The following FMNL2 variants were observed in gnomAD, a reference collection of about 807,000 sequenced individuals.
FMNL2 encodes the protein formin like 2.
Under a neutral mutation model 130.2 loss-of-function variants are expected in FMNL2, and 51 were observed. That is an observed-to-expected ratio of 0.39 (90% CI 0.31 to 0.49). The LOEUF is 0.49. Ranked by LOEUF, FMNL2 falls within the 20% of genes least tolerant of loss-of-function variation. FMNL2 has a pLI of 0.85. For missense variants in FMNL2, 977 were observed against 1,316.2 expected, an observed-to-expected ratio of 0.74 and a Z score of 3.99; for synonymous variants, 465 against 467.1, an observed-to-expected ratio of 1.00 and a Z score of 0.06.
intron 1 of FMNL2, among the ~76,000 whole-genome samples, chr2:152,397,392 A>AGG (rs1558827484): frequency 2.6e-5 from 4 of 151,652 alleles, no homozygotes; most frequent in African/African-American, 9.7e-5. Flanking sequence ...TAGGGGGAAA[A>AGG]AAAAAAATGA....
At chr2:152,374,098 A>G (rs1259110063) in intron 1 of FMNL2, among the ~76,000 whole-genome samples, 1 of 152,154 alleles carries the variant, frequency 6.6e-6, no homozygotes, top group Non-Finnish European at 1.5e-5. Context: ...GACTGCTCTT[A>G]AGGGTAGGAA....
At chr2:152,366,094 C>T (rs1683517415) in intron 1 of FMNL2, among the ~76,000 whole-genome samples, 1 of 152,026 alleles carries the variant, frequency 6.6e-6, no homozygotes, top group African/African-American at 2.4e-5. Flanking sequence ...AGTCAGTAAC[C>T]TCCATGTTTA....
At chr2:152,401,585 A>G (rs957399226) in intron 1 of FMNL2, among the ~76,000 whole-genome samples, 1 of 152,336 alleles carries the variant, frequency 6.6e-6, no homozygotes. Context: ...GTTCATGACC[A>G]TGTCAGCGGC....
intron 1 of FMNL2, among the ~76,000 whole-genome samples, chr2:152,488,937 A>G (rs929375697): frequency 2.6e-5 from 4 of 152,034 alleles, no homozygotes; most frequent in African/African-American, 9.7e-5. Flanking sequence ...CAGGTGTGGT[A>G]GCATGTGCCT....
intron 1 of FMNL2, among the ~76,000 whole-genome samples, chr2:152,505,030 CATG>C (rs1438194955): frequency 1.3e-5 from 2 of 152,180 alleles, no homozygotes; most frequent in Non-Finnish European, 2.9e-5. Context: ...AGGGATATTG[CATG>C]ATATTTCCCT....
At chr2:152,620,585 CTT>C (rs1699200029) in intron 15 of FMNL2, among the ~76,000 whole-genome samples, 1 of 152,188 alleles carries the variant, frequency 6.6e-6, no homozygotes. Context: ...CATGAGGTCT[CTT>C]ATTTACAATA....
chr2:152,506,105 T>A (rs1304038858), intron 1 of FMNL2, among the ~76,000 whole-genome samples: 3 of 152,240 alleles, frequency 2.0e-5, no homozygotes, highest in African/African-American at 7.2e-5. Flanking sequence ...TACTATGTGA[T>A]AGCCTGGTTA....
At chr2:152,345,213 G>A (rs941736588) in intron 1 of FMNL2, among the ~76,000 whole-genome samples, 2 of 152,206 alleles carry the variant, frequency 1.3e-5, no homozygotes, top group East Asian at 3.8e-4. Context: ...GCAAGAGAGG[G>A]TATGGATTTA....
At chr2:152,450,119 C>G (rs1688554265) in intron 1 of FMNL2, among the ~76,000 whole-genome samples, 1 of 152,044 alleles carries the variant, frequency 6.6e-6, no homozygotes. Context: ...GGAATAAAAA[C>G]TAATTTTAAT....
intron 8 of FMNL2, among the ~76,000 whole-genome samples, chr2:152,580,077 C>T (rs1425089253): frequency 2.6e-5 from 4 of 152,204 alleles, no homozygotes; most frequent in Admixed American, 6.5e-5. Flanking sequence ...TTCCTTCCTT[C>T]GTTTACTAGA....
rs369878094 is a variant in FMNL2, at chr2:152,608,105, T to C, written c.951+692T>C. Reference sequence around the variant, plus strand: ...GATAGAATCTACCATAGTGAATTTCTCCAGAAGTTTTACGCTTGAGTGCAC... The same window carrying C: ...GATAGAATCTACCATAGTGAATTTCCCCAGAAGTTTTACGCTTGAGTGCAC... On this transcript the variant is annotated intron_variant, in intron 10 of 25. Transcript: ENST00000288670. Among the ~76,000 whole-genome samples the C allele has an allele frequency of 5.9e-5, 9 of 152,258 alleles. No individual in the cohort carries two copies. In the East Asian group the frequency reaches 1.7e-3, roughly 29 times the overall value.
intron 1 of FMNL2, among the ~76,000 whole-genome samples, chr2:152,485,588 T>TTGTG (rs371702157): frequency 6.6e-6 from 1 of 152,000 alleles, no homozygotes; most frequent in Non-Finnish European, 1.5e-5. Flanking sequence ...CTAACTGGTT[T>TTGTG]TGTGTGTGTG....
At chr2:152,614,778 C>CAAAAAACAAAAA in intron 11 of FMNL2, 73 bp from the exon 12 acceptor site, 5 of 1,289,944 alleles carry the variant, frequency 3.9e-6, no homozygotes, top group Non-Finnish European at 5.2e-6. Flanking sequence ...ACAAAAAAGA[C>CAAAAAACAAAAA]AGACTCTTAG....
intron 1 of FMNL2, among the ~76,000 whole-genome samples, chr2:152,480,647 A>AAAG (rs1219012389): frequency 7.0e-6 from 1 of 143,436 alleles, no homozygotes; most frequent in African/African-American, 2.9e-5. Flanking sequence ...AAAAAAAAAA[A>AAAG]AAAAAAAAAA....
At chr2:152,445,928 A>G (rs1688310062) in intron 1 of FMNL2, among the ~76,000 whole-genome samples, 1 of 152,172 alleles carries the variant, frequency 6.6e-6, no homozygotes, top group African/African-American at 2.4e-5. Flanking sequence ...TTTTTTCCAA[A>G]AACATTACAG....
chr2:152,611,628 G>A, intron 11 of FMNL2, 23 bp downstream of exon 11: 1 of 1,453,104 alleles, frequency 6.9e-7, no homozygotes, highest in Non-Finnish European at 9.6e-7. Context: ...GTGACCTTTG[G>A]CTCCAATATA....
intron 1 of FMNL2, among the ~76,000 whole-genome samples, chr2:152,395,564 A>C (rs764227343): frequency 6.6e-6 from 1 of 152,194 alleles, no homozygotes; most frequent in African/African-American, 2.4e-5. Flanking sequence ...ATGTGATTTG[A>C]AATTTGAAAC....
chr2:152,504,998 A>T (rs1400437202), intron 1 of FMNL2, among the ~76,000 whole-genome samples: 1 of 152,250 alleles, frequency 6.6e-6, no homozygotes, highest in African/African-American at 2.4e-5. Flanking sequence ...TTTAAAGCAC[A>T]GTTCTTCAGA....
intron 1 of FMNL2, among the ~76,000 whole-genome samples, chr2:152,349,318 G>C (rs1324936031): frequency 6.6e-6 from 1 of 152,166 alleles, no homozygotes; most frequent in Non-Finnish European, 1.5e-5. Flanking sequence ...TGCTTTATAT[G>C]CATTATCGTT....
Sources: gnomAD v4.1 joint callset for allele counts (sites outside exome capture counted in the v4.1 genomes callset) on GRCh38, gnomAD v4.1.1 for gene constraint, MANE v1.5 for transcripts, NCBI Gene and HGNC (gene_info 2026-07-23, HGNC 2026-07-21) for gene names.